Variants in BICC1 observed in about 807,000 individuals in gnomAD.
The protein encoded by BICC1 is BicC family RNA binding protein 1.
A neutral mutation model predicts 111.0 loss-of-function variants in BICC1; 43 were observed. That is an observed-to-expected ratio of 0.39 (90% CI 0.30 to 0.50). The LOEUF (loss-of-function observed/expected upper bound fraction) is 0.50, where lower values mean the gene tolerates loss of function less well. Ranked by LOEUF, BICC1 falls within the 20% of genes least tolerant of loss-of-function variation. The pLI, the probability that BICC1 is intolerant of heterozygous loss-of-function variation, is 0.88. For missense variants in BICC1, 1,091 were observed against 1,203.2 expected (o/e 0.91, Z 1.38); for synonymous variants, 467 against 434.4 (o/e 1.07, Z -0.93).
chr10:58,565,945 G>A (rs1349305282), intron 1 of BICC1, among the ~76,000 whole-genome samples: 2 of 152,024 alleles, frequency 1.3e-5, no homozygotes, highest in Admixed American at 6.6e-5. Context: ...CCAATTTCTA[G>A]TCTTTTATCC....
chr10:58,799,492 A>G (rs1289474526), intron 12 of BICC1, among the ~76,000 whole-genome samples: 2 of 152,234 alleles, frequency 1.3e-5, no homozygotes, highest in South Asian at 2.1e-4. Flanking sequence ...GGGAAATTGC[A>G]TATTTAACCA....
At chr10:58,716,621 A>G (rs1374668588) in intron 3 of BICC1, among the ~76,000 whole-genome samples, 1 of 152,198 alleles carries the variant, frequency 6.6e-6, no homozygotes, top group Non-Finnish European at 1.5e-5. Context: ...ATCTGGATAC[A>G]TCTTTAAGAT....
intron 1 of BICC1, among the ~76,000 whole-genome samples, chr10:58,542,211 G>C (rs1033182219): frequency 7.1e-6 from 1 of 141,562 alleles, no homozygotes; most frequent in South Asian, 2.4e-4. Flanking sequence ...ACAGAATAGA[G>C]AATCGAGAAA....
intron 1 of BICC1, among the ~76,000 whole-genome samples, chr10:58,524,506 G>A (rs2131834489): frequency 2.0e-5 from 3 of 152,260 alleles, no homozygotes; most frequent in African/African-American, 7.2e-5. Flanking sequence ...TATGTAGAAA[G>A]CTGAAACTGG....
chr10:58,790,382 T>A, intron 8 of BICC1, among the ~76,000 whole-genome samples: 1 of 152,310 alleles, frequency 6.6e-6, no homozygotes, highest in African/African-American at 2.4e-5. Context: ...GTACATTTCA[T>A]AAATCTTTGA....
At chr10:58,518,766 G>A (rs887067573) in intron 1 of BICC1, among the ~76,000 whole-genome samples, 2 of 152,132 alleles carry the variant, frequency 1.3e-5, no homozygotes, top group Non-Finnish European at 2.9e-5. Context: ...GAGCCCAGGA[G>A]CTGCTTTCAG....
intron 2 of BICC1, among the ~76,000 whole-genome samples, chr10:58,647,381 A>C (rs1838301246): frequency 6.6e-6 from 1 of 152,324 alleles, no homozygotes; most frequent in East Asian, 1.9e-4. Context: ...TGAATGTCAA[A>C]ATAACTTCGC....
chr10:58,513,363 C>G (rs748825695), intron 1 of BICC1, 30 bp downstream of exon 1: 1 of 1,544,316 alleles, frequency 6.5e-7, no homozygotes, highest in Non-Finnish European at 8.8e-7. Context: ...TCGGACTCTC[C>G]GACTGAGCCT....
intron 2 of BICC1, among the ~76,000 whole-genome samples, chr10:58,681,299 A>G (rs1839511515): frequency 6.6e-6 from 1 of 152,250 alleles, no homozygotes; most frequent in Non-Finnish European, 1.5e-5. Context: ...CAGAATCTAC[A>G]AGGAACTTAG....
Position 58,769,439 on chromosome 10 carries a change from A to G in BICC1, c.308-15562A>G, listed in dbSNP as rs552009443. On this transcript the variant is annotated intron_variant, in intron 3 of 20. Coordinates refer to ENST00000373886, the MANE Select transcript of BICC1 (RefSeq NM_001080512.3). Reference sequence around the variant, plus strand: ...ATATATATATATAATCACAGTATATATCTTTAATAGATATACTTTTTATTT... The same window carrying G: ...ATATATATATATAATCACAGTATATGTCTTTAATAGATATACTTTTTATTT... Among the ~76,000 whole-genome samples, 3 of 113,130 alleles carry G rather than the reference A, an allele frequency of 2.7e-5. No homozygotes were observed. The South Asian group carries it at 9.3e-4, about 35-fold the overall frequency. 74.2% of individuals were successfully genotyped at this position (113,130 alleles called of 152,430 possible).
intron 1 of BICC1, among the ~76,000 whole-genome samples, chr10:58,555,089 GGAGA>G (rs1843407019): frequency 6.6e-6 from 1 of 151,760 alleles, no homozygotes; most frequent in Non-Finnish European, 1.5e-5. Flanking sequence ...CACATAGTGG[GGAGA>G]GTAAAACCAT....
intron 2 of BICC1, among the ~76,000 whole-genome samples, chr10:58,639,590 T>G (rs145289795): frequency 5.4e-5 from 5 of 92,052 alleles, no homozygotes; most frequent in African/African-American, 2.0e-4. Flanking sequence ...TTTTTTTTTG[T>G]ATTTTTAGTA....
chr10:58,606,928 A>G (rs1439479947), intron 1 of BICC1, among the ~76,000 whole-genome samples: 1 of 152,058 alleles, frequency 6.6e-6, no homozygotes, highest in Non-Finnish European at 1.5e-5. Flanking sequence ...TTCCTCCTAT[A>G]TTTTATGTAT....
upstream of BICC1, among the ~76,000 whole-genome samples, chr10:58,512,755 C>T (rs951525240): frequency 6.6e-6 from 1 of 151,418 alleles, no homozygotes; most frequent in African/African-American, 2.4e-5. Context: ...AGGGGCCGCC[C>T]GCCCGCCGCG....
chr10:58,634,141 G>A (rs1033697942), intron 2 of BICC1, among the ~76,000 whole-genome samples: 1 of 151,612 alleles, frequency 6.6e-6, no homozygotes, highest in African/African-American at 2.4e-5. Context: ...ACAGGTGCAC[G>A]CCACCACGAC....
At chr10:58,631,223 A>C (rs936086548) in intron 2 of BICC1, among the ~76,000 whole-genome samples, 12 of 152,018 alleles carry the variant, frequency 7.9e-5, no homozygotes, top group Admixed American at 2.6e-4. Flanking sequence ...GCAGATAAAT[A>C]TTTTCTATTT....
At chr10:58,734,698 T>C (rs1023488166) in intron 3 of BICC1, among the ~76,000 whole-genome samples, 1 of 152,214 alleles carries the variant, frequency 6.6e-6, no homozygotes, top group African/African-American at 2.4e-5. Context: ...GCAAATGATT[T>C]ATTTTTCATA....
intron 1 of BICC1, among the ~76,000 whole-genome samples, chr10:58,585,523 A>G (rs779085344): frequency 4.3e-4 from 66 of 152,122 alleles, no homozygotes; most frequent in Non-Finnish European, 7.4e-4. Context: ...TTTTCTTTCT[A>G]GTTTCCCCTC....
At chr10:58,783,475 TG>T (rs1269531465) in intron 3 of BICC1, among the ~76,000 whole-genome samples, 1 of 151,784 alleles carries the variant, frequency 6.6e-6, no homozygotes, top group East Asian at 1.9e-4. Flanking sequence ...GGCTGTGGGA[TG>T]GGGGTGGGAG....
Sources: allele counts gnomAD v4.1 joint callset (sites outside exome capture counted in the v4.1 genomes callset), GRCh38; gene constraint gnomAD v4.1.1; transcripts MANE v1.5; gene names NCBI Gene and HGNC (gene_info 2026-07-23, HGNC 2026-07-21).